Variants in MLLT10 observed in about 807,000 individuals in gnomAD.
MLLT10 encodes the protein protein AF-10.
MLLT10 carries 30 observed loss-of-function variants against 129.1 expected under a neutral mutation model. The ratio of observed to expected loss-of-function variants is 0.23; its 90% CI spans 0.17 to 0.32. The LOEUF (loss-of-function observed/expected upper bound fraction) is 0.32. Among genes scored for constraint, MLLT10 ranks in the 10% least tolerant of loss-of-function variants. MLLT10 has a pLI of 1.00. For synonymous variants in MLLT10, 490 were observed against 446.4 expected, an observed-to-expected ratio of 1.10 and a Z score of -1.23; for missense variants, 1,119 against 1,268.3, an observed-to-expected ratio of 0.88 and a Z score of 1.79.
At chr10:21,729,595 T>C (rs1273441696) in intron 16 of MLLT10, among the ~76,000 whole-genome samples, 2 of 152,166 alleles carry the variant, frequency 1.3e-5, no homozygotes, top group African/African-American at 4.8e-5. Context: ...AGAACACTAG[T>C]GGGTTGTTAG....
At chr10:21,575,613 A>G (rs2040649168) in intron 3 of MLLT10, among the ~76,000 whole-genome samples, 1 of 152,164 alleles carries the variant, frequency 6.6e-6, no homozygotes, top group South Asian at 2.1e-4. Flanking sequence ...GTGGTCTTCC[A>G]TGGGGTATGC....
chr10:21,720,724 A>C (rs1355496654), intron 14 of MLLT10, among the ~76,000 whole-genome samples: 1 of 152,238 alleles, frequency 6.6e-6, no homozygotes, highest in Non-Finnish European at 1.5e-5. Context: ...AAATATAGCC[A>C]CAGTTCAGAA....
chr10:21,733,790 G>A lies in MLLT10; in HGVS notation c.2519G>A (p.Ser840Asn). The change falls in exon 20 of 23, where the codon AGT becomes AAT. Residue 840 changes from serine (S) to asparagine (N), a missense_variant. Physicochemically the swap from Ser to Asn is conservative, Grantham distance 46. Transcript: ENST00000307729. The part of the protein sequence containing the change: ...LNQDLTSSGQ[S>N]TSSSSALSTP... Reference sequence around the variant, plus strand: ...TAGGACTTAACCTCCAGTGGACAAAGTACCAGCAGCTCATCAGCTCTTTCT... The same window carrying A: ...TAGGACTTAACCTCCAGTGGACAAAATACCAGCAGCTCATCAGCTCTTTCT... 6.2e-7 allele frequency: 1 copy of A among 1,613,554 alleles called. No homozygotes were observed. The highest frequency in any genetic ancestry group is 1.3e-5 in the African/African-American group (1 of 75,042).
intron 13 of MLLT10, among the ~76,000 whole-genome samples, chr10:21,695,392 G>A (rs951434266): frequency 2.0e-5 from 3 of 152,012 alleles, no homozygotes; most frequent in Non-Finnish European, 2.9e-5. Context: ...GCCTTAATTC[G>A]GTCTGCATAG....
intron 22 of MLLT10, among the ~76,000 whole-genome samples, chr10:21,740,989 G>A (rs2058781709): frequency 6.6e-6 from 1 of 152,212 alleles, no homozygotes; most frequent in South Asian, 2.1e-4. Flanking sequence ...GAGGGACTGA[G>A]GTGGGAGACT....
At chr10:21,603,703 G>A (rs1431025506) in intron 5 of MLLT10, among the ~76,000 whole-genome samples, 1 of 152,090 alleles carries the variant, frequency 6.6e-6, no homozygotes, top group South Asian at 2.1e-4. Flanking sequence ...CAATTAAAGA[G>A]GCTACAAGTC....
intron 10 of MLLT10, among the ~76,000 whole-genome samples, chr10:21,672,402 A>AT (rs1347621170): frequency 2.6e-5 from 4 of 151,854 alleles, no homozygotes; most frequent in African/African-American, 7.3e-5. Context: ...TCATTTTTAA[A>AT]TTTTTTGTAG....
At position 21,673,370 on chromosome 10, in the gene MLLT10, G is replaced by A; in HGVS notation, c.1072G>A (p.Gly358Ser). 1 of 1,326,206 alleles carries A rather than the reference G, an allele frequency of 7.5e-7. No individual in the cohort carries two copies. Among genetic ancestry groups the A allele is most frequent in the Non-Finnish European group, 9.8e-7 (1 of 1,025,246 alleles). The allele number at this position is 1,326,206 out of a possible 1,614,324, so 82.2% of individuals were successfully genotyped here. A position where few individuals can be genotyped will look rare whatever the true frequency, so the allele number is the denominator to read the frequency against. The change falls in exon 11 of 23, where the codon GGC becomes AGC. Residue 358 changes from glycine (G) to serine (S), a missense_variant. Gly to Ser is a moderately conservative substitution (Grantham distance 56, BLOSUM62 0). Transcript: ENST00000307729. ...FPQGSFSGTP[G>S]SVKSSSGSSV... ...TACAGGCAGTTTTTCAGGAACTCCAGGCAGTGTAAAGTCATCTTCTGGAAG... is the reference window on the plus strand; with the variant it reads ...TACAGGCAGTTTTTCAGGAACTCCAAGCAGTGTAAAGTCATCTTCTGGAAG...
At chr10:21,707,189 ATTTTTTTTT>A (rs1199544245) in intron 13 of MLLT10, among the ~76,000 whole-genome samples, 1 of 122,502 alleles carries the variant, frequency 8.2e-6, no homozygotes, top group Non-Finnish European at 1.7e-5. Flanking sequence ...AGTTTAGATG[ATTTTTTTTT>A]TTTTTTTTTT....
chr10:21,695,296 C>A (rs1200590010), intron 13 of MLLT10, among the ~76,000 whole-genome samples: 1 of 152,124 alleles, frequency 6.6e-6, no homozygotes, highest in African/African-American at 2.4e-5. Flanking sequence ...CACTCAGCCC[C>A]TCTTCTGCTT....
rs764872856 is a variant in MLLT10, at chr10:21,733,066, C to T, written c.2386C>T (p.His796Tyr). The change falls in exon 18 of 23, where the codon CAC becomes TAC. Residue 796 changes from histidine (H) to tyrosine (Y), a missense_variant. Around this residue, in one of 5 missense-constraint regions of MLLT10, gnomAD observed 1,004 missense variants for 1,008.7 expected, o/e 1.00. Transcript: ENST00000307729. ...AAATCCTAGTCCGTCTCATCAAATACACACATTTTCAGCACAGACTGGTAA... is the reference window on the plus strand; with the variant it reads ...AAATCCTAGTCCGTCTCATCAAATATACACATTTTCAGCACAGACTGGTAA... The part of the protein sequence containing the change: ...TANPSPSHQI[H>Y]TFSAQTAPTT... The T allele has an allele frequency of 1.2e-6, 2 of 1,610,822 alleles. No individual in the cohort carries two copies. The highest frequency in any genetic ancestry group is 1.7e-6 in the Non-Finnish European group (2 of 1,178,516).
At chr10:21,692,773 C>T (rs139941521) in intron 13 of MLLT10, among the ~76,000 whole-genome samples, 44 of 152,136 alleles carry the variant, frequency 2.9e-4, no homozygotes, top group Middle Eastern at 3.4e-3. Flanking sequence ...AGGCATGAGC[C>T]GCCACACCTG....
At chr10:21,711,707 G>T (rs7922770) in intron 13 of MLLT10, among the ~76,000 whole-genome samples, 2,926 of 151,900 alleles carry the variant, frequency 0.019, 90 homozygotes, top group African/African-American at 0.066. Flanking sequence ...ATTGCACCAC[G>T]GCACTCCAGC....
At chr10:21,661,901 A>G (rs537432092) in intron 9 of MLLT10, among the ~76,000 whole-genome samples, 13 of 152,160 alleles carry the variant, frequency 8.5e-5, no homozygotes, top group African/African-American at 1.9e-4. Flanking sequence ...TTGGGTTAAT[A>G]TCTACCATAT....
intron 15 of MLLT10, among the ~76,000 whole-genome samples, chr10:21,727,043 G>C (rs1327620144): frequency 2.6e-5 from 4 of 152,146 alleles, no homozygotes; most frequent in Non-Finnish European, 5.9e-5. Flanking sequence ...AGGATTGGTT[G>C]ACATGTCCAA....
At chr10:21,555,049 G>C (rs2037705290) in intron 3 of MLLT10, among the ~76,000 whole-genome samples, 1 of 151,478 alleles carries the variant, frequency 6.6e-6, no homozygotes, top group Non-Finnish European at 1.5e-5. Context: ...TCGAACTCCT[G>C]ACCTCAGGTG....
chr10:21,557,102 C>A, intron 3 of MLLT10: 3 of 1,398,742 alleles, frequency 2.1e-6, no homozygotes, highest in Non-Finnish European at 2.8e-6. Context: ...ATTCTGCTTT[C>A]CATTTACATT....
At chr10:21,662,643 A>G (rs1331313640) in intron 9 of MLLT10, among the ~76,000 whole-genome samples, 2 of 152,170 alleles carry the variant, frequency 1.3e-5, no homozygotes, top group South Asian at 2.1e-4. Flanking sequence ...ATAGATTTCA[A>G]AAATTATTGG....
Position 21,726,360 on chromosome 10 carries a change from G to C in MLLT10, c.1990+5G>C, listed in dbSNP as rs2057507544. The C allele has an allele frequency of 6.3e-7, 1 of 1,588,858 alleles. No individual in the cohort carries two copies. The highest frequency in any genetic ancestry group is 1.3e-5 in the African/African-American group (1 of 74,240). ...AGTCTGAAAACAATCAAACAGGTAA[G>C]TTTTCAAGAATTACTAACTCTAAAA... is the stretch of plus-strand genomic sequence containing the variant. On this transcript the variant is annotated splice_donor_5th_base_variant and intron_variant, in intron 15 of 22. Transcript: ENST00000307729.
Sources: allele counts gnomAD v4.1 joint callset (sites outside exome capture counted in the v4.1 genomes callset), GRCh38; gene constraint gnomAD v4.1.1; regional missense constraint gnomAD v4.1.1; transcripts MANE v1.5; gene names NCBI Gene and HGNC (gene_info 2026-07-23, HGNC 2026-07-21).